KTN1: variants seen among roughly 807,000 people sequenced by gnomAD.
KTN1 encodes the protein kinectin 1.
In KTN1, 130 loss-of-function variants were observed where a neutral mutation model predicts 222.5. That is an observed-to-expected ratio of 0.58 (90% confidence interval 0.51 to 0.68). The LOEUF (loss-of-function observed/expected upper bound fraction) is 0.68. Among genes scored for constraint, KTN1 ranks in the 30% least tolerant of loss-of-function variants. KTN1 has a pLI of 0.00. For missense variants in KTN1, 1,508 were observed against 1,500.4 expected, an observed-to-expected ratio of 1.01 and a Z score of -0.08; for synonymous variants, 512 against 496.3, an observed-to-expected ratio of 1.03 and a Z score of -0.42.
chr14:55,639,986 A>G lies in KTN1; in HGVS notation c.1897A>G (p.Lys633Glu). The change falls in exon 14 of 44, where the codon AAA becomes GAA. Residue 633 changes from lysine (K) to glutamate (E), a missense_variant. Coordinates refer to ENST00000395314, the MANE Select transcript of KTN1 (RefSeq NM_001079521.2). The part of the protein sequence containing the change: ...LASERDRLTS[K>E]EEELKDIQNM... ...AAGTGAACGTGATCGTTTAACAAGT[A>G]AAGAAGAGGAACTTAAGGTATAGTA... 6.3e-7 allele frequency: 1 copy of G among 1,595,078 alleles called. No homozygotes were observed. Among genetic ancestry groups the G allele is most frequent in the Non-Finnish European group, 8.6e-7 (1 of 1,163,416 alleles).
rs753549510 is a variant in KTN1, at chr14:55,637,854, A to G, written c.1785+7A>G. The stretch of plus-strand genomic sequence containing the variant: ...TTCCCAGATAGCAGCCCAGGTAATG[A>G]TGCTTTCTTATTGCTTATGATTAAT... On this transcript the variant is annotated splice_region_variant and intron_variant, in intron 12 of 43. Coordinates refer to ENST00000395314, the MANE Select transcript of KTN1 (RefSeq NM_001079521.2). The G allele has an allele frequency of 6.2e-7, 1 of 1,603,178 alleles. No individual in the cohort carries two copies. The highest frequency in any genetic ancestry group is 1.1e-5 in the South Asian group (1 of 90,258).
intron 18 of KTN1, among the ~76,000 whole-genome samples, chr14:55,646,632 C>T (rs1459209891): frequency 1.4e-5 from 2 of 148,138 alleles, no homozygotes; most frequent in African/African-American, 5.0e-5. Context: ...GTCTTAGAGT[C>T]TGGATTCTTT....
chr14:55,665,915 T>C (rs2044685492), intron 33 of KTN1, among the ~76,000 whole-genome samples: 1 of 151,992 alleles, frequency 6.6e-6, no homozygotes, highest in African/African-American at 2.4e-5. Context: ...TTCTTTTAGT[T>C]AGTCTTTTTT....
chr14:55,638,360 T>A (rs2041383073), intron 12 of KTN1, among the ~76,000 whole-genome samples: 1 of 151,936 alleles, frequency 6.6e-6, no homozygotes, highest in Non-Finnish European at 1.5e-5. Context: ...GACATACATG[T>A]CTTTATAAAT....
chr14:55,584,949 G>A (rs920196693), intron 1 of KTN1, among the ~76,000 whole-genome samples: 1 of 151,890 alleles, frequency 6.6e-6, no homozygotes, highest in African/African-American at 2.4e-5. Flanking sequence ...CCTGGGCAAC[G>A]TGGCAAAACC....
intron 8 of KTN1, 47 bp downstream of exon 8, chr14:55,633,388 T>A: frequency 9.0e-7 from 1 of 1,107,024 alleles, no homozygotes; most frequent in African/African-American, 1.6e-5. Flanking sequence ...CAGAGTATTT[T>A]CTTGAATCAT....
intron 7 of KTN1, among the ~76,000 whole-genome samples, chr14:55,632,672 G>C (rs1257584426): frequency 6.6e-6 from 1 of 152,064 alleles, no homozygotes; most frequent in Non-Finnish European, 1.5e-5. Context: ...ACTTGAAAAT[G>C]GTTAGAATGG....
At chr14:55,681,851 T>C (rs2046397011) in intron 43 of KTN1, 1 of 152,168 alleles carries the variant, frequency 6.6e-6, no homozygotes, top group African/African-American at 2.4e-5. Context: ...TAGCTCTTCT[T>C]TATACCCGTT....
chr14:55,600,589 T>C (rs748631816), intron 1 of KTN1, among the ~76,000 whole-genome samples: 13 of 152,340 alleles, frequency 8.5e-5, no homozygotes, highest in Non-Finnish European at 1.5e-4. Context: ...GTCTAATCTC[T>C]GAGTGGCTAG....
At chr14:55,658,513 T>C in intron 29 of KTN1, 33 bp from the exon 30 acceptor site, 1 of 1,233,226 alleles carries the variant, frequency 8.1e-7, no homozygotes, top group African/African-American at 1.5e-5. Context: ...AAAAATCTGT[T>C]TAGATACTGA....
At chr14:55,651,864 T>C (rs768502533) in intron 24 of KTN1, 26 bp from the exon 25 acceptor site, 1 of 1,470,516 alleles carries the variant, frequency 6.8e-7, no homozygotes. Context: ...GATTATTAAT[T>C]GATTTTTCTG....
Position 55,612,455 on chromosome 14 carries a change from C to G in KTN1, c.407C>G (p.Ser136Ter). The G allele has an allele frequency of 6.2e-7, 1 of 1,614,106 alleles. No homozygotes were observed. The highest frequency in any genetic ancestry group is 8.5e-7 in the Non-Finnish European group (1 of 1,180,002). ...CAGGTCATCAAAGAAAGTGACGCAT[C>G]AAAGATTCCTGGCAAAAAAGTAGAA... ...EEQVIKESDA[S>*]KIPGKKVEPV... Residue 136 changes from serine (S) to a stop codon, truncating the protein, a stop_gained, in exon 2 of 44, where the codon TCA becomes TGA. Coordinates refer to ENST00000395314, the MANE Select transcript of KTN1 (RefSeq NM_001079521.2). LOFTEE classifies it high-confidence loss of function.
At chr14:55,644,152 T>G (rs1438892644) in intron 18 of KTN1, 1 of 404,968 alleles carries the variant, frequency 2.5e-6, no homozygotes, top group Non-Finnish European at 4.4e-6. Flanking sequence ...ATCATTTCTG[T>G]GGCTTTTCCT....
chr14:55,583,773 TC>T (rs572002445), intron 1 of KTN1, among the ~76,000 whole-genome samples: 181 of 152,330 alleles, frequency 1.2e-3, no homozygotes, highest in African/African-American at 4.2e-3. Flanking sequence ...GTTAGGCCTA[TC>T]CACTTGGATG....
At chr14:55,626,490 G>T (rs756106774) in intron 5 of KTN1, among the ~76,000 whole-genome samples, 1 of 151,994 alleles carries the variant, frequency 6.6e-6, no homozygotes, top group Non-Finnish European at 1.5e-5. Context: ...GTTTTTTCCT[G>T]CTGTGTGATA....
intron 1 of KTN1, among the ~76,000 whole-genome samples, chr14:55,581,920 T>G (rs2031757736): frequency 6.6e-6 from 1 of 152,146 alleles, no homozygotes; most frequent in South Asian, 2.1e-4. Context: ...TTCCTTTTTT[T>G]TTAGTTTAAG....
At chr14:55,615,892 T>TTCTCTCTCTCTTTCTTTC (rs1555365256) in intron 2 of KTN1, among the ~76,000 whole-genome samples, 1 of 150,578 alleles carries the variant, frequency 6.6e-6, no homozygotes, top group African/African-American at 2.5e-5. Context: ...CTTTCTCTCT[T>TTCTCTCTCTCTTTCTTTC]TCTCTCTCTC....
At chr14:55,663,902 A>G (rs2044415482) in intron 32 of KTN1, 53 bp from the exon 33 acceptor site, 6 of 1,428,282 alleles carry the variant, frequency 4.2e-6, no homozygotes, top group Non-Finnish European at 5.9e-6. Context: ...GTAAAAAAGC[A>G]AAAATCTTTC....
rs914860067 is a variant in KTN1 at position 55,626,253 on chromosome 14, A to G, written c.964-1659A>G. Among the ~76,000 whole-genome samples, 6 of 151,152 alleles carry G rather than the reference A, an allele frequency of 4.0e-5. No individual in the cohort carries two copies. In the East Asian group the frequency reaches 5.8e-4, roughly 15 times the overall value. Reference sequence around the variant, plus strand: ...CATAACCAAAGAAAACTTTATTTCTACTTTTTATTTATTTCTCTTCACCAT... The same window carrying G: ...CATAACCAAAGAAAACTTTATTTCTGCTTTTTATTTATTTCTCTTCACCAT... On this transcript the variant is annotated intron_variant, in intron 5 of 43. Transcript: ENST00000395314.
Sources: gnomAD v4.1 joint callset for allele counts (sites outside exome capture counted in the v4.1 genomes callset) on GRCh38, gnomAD v4.1.1 for gene constraint, MANE v1.5 for transcripts, NCBI Gene and HGNC (gene_info 2026-07-23, HGNC 2026-07-21) for gene names.